The following TTC21A variants were observed in gnomAD, a reference collection of about 807,000 sequenced individuals.
TTC21A encodes tetratricopeptide repeat protein 21A.
Under a neutral mutation model 156.4 loss-of-function variants are expected in TTC21A, and 128 were observed. The ratio of observed to expected loss-of-function variants is 0.82; its 90% CI spans 0.71 to 0.95. The LOEUF is 0.95. Ranked by LOEUF, TTC21A falls within the 40% of genes least tolerant of loss-of-function variation. The probability of loss-of-function intolerance (pLI) is 0.00; values close to 1 mark genes in which losing one functional copy is unlikely to be tolerated. For synonymous variants in TTC21A, 587 were observed against 617.1 expected (o/e 0.95, Z 0.72); for missense variants, 1,435 against 1,602.3 (o/e 0.90, Z 1.78).
intron 4 of TTC21A, among the ~76,000 whole-genome samples, chr3:39,112,025 C>A (rs933763435): frequency 3.9e-5 from 6 of 152,194 alleles, no homozygotes; most frequent in African/African-American, 1.4e-4. Context: ...CAGGGCCAGG[C>A]CTCGTGCTGG....
chr3:39,109,863 G>A (rs1013157584), intron 2 of TTC21A, among the ~76,000 whole-genome samples, 166 bp from the exon 3 acceptor site: 10 of 152,190 alleles, frequency 6.6e-5, no homozygotes, highest in African/African-American at 2.4e-4. Context: ...CATGTTACCA[G>A]CAACTCTTTC....
chr3:39,125,531 A>T lies in TTC21A; in HGVS notation c.1391A>T (p.Gln464Leu), dbSNP rs1217425755. Residue 464 changes from glutamine to leucine, a missense_variant and splice_region_variant, in exon 11 of 29, where the codon CAG becomes CTG. Gln to Leu is a moderately radical substitution (Grantham distance 113, BLOSUM62 -2). Coordinates refer to ENST00000683103, the MANE Select transcript of TTC21A (RefSeq NM_001366900.1). ...AKEYLLFCPK[Q>L]PRLPGQIVSP... is the part of the protein sequence containing the mutation. ...GAGTACTTGCTCTTCTGCCCCAAGC[A>T]GGTTAGGGGAAGGCCTGTCTTCATG... The T allele has an allele frequency of 6.2e-7, 1 of 1,609,354 alleles. No homozygotes were observed. The highest frequency in any genetic ancestry group is 1.3e-5 in the African/African-American group (1 of 74,930).
intron 19 of TTC21A, 143 bp from the exon 20 acceptor site, chr3:39,132,909 C>T: frequency 1.2e-6 from 1 of 822,712 alleles, no homozygotes; most frequent in East Asian, 2.7e-5. Flanking sequence ...GTGGCTTTGC[C>T]TATTCAGAGT....
chr3:39,112,079 A>G (rs148620417), intron 4 of TTC21A, among the ~76,000 whole-genome samples: 1 of 152,152 alleles, frequency 6.6e-6, no homozygotes, highest in Non-Finnish European at 1.5e-5. Flanking sequence ...GTAGGCCCCC[A>G]TGTTGGCTCC....
intron 12 of TTC21A, 37 bp downstream of exon 12, chr3:39,126,427 C>G: frequency 6.2e-7 from 1 of 1,607,804 alleles, no homozygotes; most frequent in Non-Finnish European, 8.5e-7. Flanking sequence ...TGGGGCCTTG[C>G]AAACACCTGA....
At position 39,110,901 on chromosome 3, in the gene TTC21A, ACAGT is replaced by A. The variant is rs761788338; in HGVS notation, c.324_327del (p.Ser109GlyfsTer14). 1.2e-6 allele frequency: 2 copies of A among 1,614,074 alleles called. No homozygotes were observed. The highest frequency in any genetic ancestry group is 1.7e-6 in the Non-Finnish European group (2 of 1,180,016). On this transcript the variant is annotated frameshift_variant, in exon 4 of 29. Coordinates refer to ENST00000683103, the MANE Select transcript of TTC21A (RefSeq NM_001366900.1). LOFTEE classifies it high-confidence loss of function. ...GTACAGCCTGAAGGAAATACGCAAG[ACAGT>A]CAGTGGGACTGCACTGTACTATGCT... is the stretch of plus-strand genomic sequence containing the variant.
At chr3:39,124,978 C>T (rs2125817000) in intron 9 of TTC21A, 85 bp from the exon 10 acceptor site, 2 of 867,292 alleles carry the variant, frequency 2.3e-6, no homozygotes, top group East Asian at 4.8e-5. Flanking sequence ...CTTCCTTCCA[C>T]TGTCTTATCC....
In TTC21A at chr3:39,109,080, T is replaced by C. The variant is rs1306449068; in HGVS notation, c.28-5T>C. ...GCTATTGCAGTTATGTCTTCCTTCATACAGGCTGGGATCATTTACTATAGC... is the reference window on the plus strand; with the variant it reads ...GCTATTGCAGTTATGTCTTCCTTCACACAGGCTGGGATCATTTACTATAGC... On this transcript the variant is annotated splice_polypyrimidine_tract_variant and splice_region_variant and intron_variant, in intron 1 of 28. Coordinates refer to ENST00000683103, the MANE Select transcript of TTC21A (RefSeq NM_001366900.1). 5 of 1,613,324 alleles carry C rather than the reference T, an allele frequency of 3.1e-6. No individual in the cohort carries two copies. The highest frequency in any genetic ancestry group is 4.2e-6 in the Non-Finnish European group (5 of 1,179,326).
chr3:39,123,130 T>A (rs2037909529), intron 9 of TTC21A, among the ~76,000 whole-genome samples: 1 of 152,050 alleles, frequency 6.6e-6, no homozygotes, highest in Non-Finnish European at 1.5e-5. Flanking sequence ...ATTATGTCAA[T>A]AAGTAAAGAA....
At position 39,138,256 on chromosome 3, in the gene TTC21A, T is replaced by C. The variant is rs1188956723; in HGVS notation, c.3676-11T>C. ...CCGCTCTGCAGAGGCTCTAACTGGC[T>C]TTCCCTGCAGTCCTGCTACAAGGCC... On this transcript the variant is annotated splice_polypyrimidine_tract_variant and intron_variant, in intron 26 of 28. Transcript: ENST00000683103. 6.2e-7 allele frequency: 1 copy of C among 1,613,920 alleles called. No homozygotes were observed. The highest frequency in any genetic ancestry group is 1.1e-5 in the South Asian group (1 of 91,082).
chr3:39,120,883 C>A, intron 8 of TTC21A, 114 bp from the exon 9 acceptor site: 6 of 909,004 alleles, frequency 6.6e-6, no homozygotes, highest in East Asian at 2.7e-5. Flanking sequence ...TACCTCTTGG[C>A]TCTCCTGGGC....
chr3:39,109,051 C>G, intron 1 of TTC21A, 34 bp from the exon 2 acceptor site: 1 of 1,606,450 alleles, frequency 6.2e-7, no homozygotes, highest in South Asian at 1.1e-5. Flanking sequence ...AGAGAAGGGA[C>G]TGGGCTATTG....
intron 6 of TTC21A, among the ~76,000 whole-genome samples, chr3:39,115,758 T>TC (rs1291239423): frequency 2.0e-5 from 3 of 152,208 alleles, no homozygotes; most frequent in South Asian, 2.1e-4. Flanking sequence ...TTCACTTTTT[T>TC]CCCATAAGGA....
At chr3:39,108,656 T>G (rs981417175) in intron 1 of TTC21A, among the ~76,000 whole-genome samples, 4 of 152,180 alleles carry the variant, frequency 2.6e-5, no homozygotes, top group African/African-American at 9.7e-5. Flanking sequence ...CAAGCTGTAG[T>G]TTCCATGGGC....
At chr3:39,125,007 G>C in intron 9 of TTC21A, 56 bp from the exon 10 acceptor site, 1 of 1,129,168 alleles carries the variant, frequency 8.9e-7, no homozygotes, top group Non-Finnish European at 1.4e-6. Context: ...TGACCTGATG[G>C]GCTGCTGGCT....
rs766162671 is a variant in TTC21A, at chr3:39,121,048, A to G, written c.952A>G (p.Thr318Ala). ...GCTAGTGTGTAGTTTCATCGAGCGC[A>G]CCTTCATGGCCACCCCCTCGTATGT... ...LGLVCSFIERTFMATPSYVHV... is the reference protein window; with the variant it reads ...LGLVCSFIERAFMATPSYVHV... The change falls in exon 9 of 29, where the codon ACC becomes GCC. Residue 318 changes from threonine to alanine, a missense_variant. By Grantham distance (58) the Thr-to-Ala change is moderately conservative (BLOSUM62 0). Coordinates refer to ENST00000683103, the MANE Select transcript of TTC21A (RefSeq NM_001366900.1). 9 of 1,613,788 alleles carry G rather than the reference A, an allele frequency of 5.6e-6. No homozygotes were observed. In the East Asian group the frequency reaches 2.0e-4, roughly 36 times the overall value.
chr3:39,126,487 C>A, intron 12 of TTC21A, 97 bp downstream of exon 12: 1 of 827,878 alleles, frequency 1.2e-6, no homozygotes, highest in Non-Finnish European at 1.8e-6. Flanking sequence ...CACACACACA[C>A]ACACACACAC....
intron 12 of TTC21A, 130 bp downstream of exon 12, chr3:39,126,520 A>T (rs867909841): frequency 1.6e-4 from 129 of 821,690 alleles, no homozygotes; most frequent in African/African-American, 6.3e-4. Context: ...ACACACACAC[A>T]CTCTCCTTGC....
Position 39,130,242 on chromosome 3 carries a change from C to T in TTC21A, c.2209-6C>T, listed in dbSNP as rs2038619068. 5.0e-6 allele frequency: 8 copies of T among 1,612,678 alleles called. No homozygotes were observed. Among genetic ancestry groups the T allele is most frequent in the Non-Finnish European group, 6.8e-6 (8 of 1,179,248 alleles). On this transcript the variant is annotated splice_polypyrimidine_tract_variant and splice_region_variant and intron_variant, in intron 16 of 28. Coordinates refer to ENST00000683103, the MANE Select transcript of TTC21A (RefSeq NM_001366900.1). This position sits in a 1 kb window ranked among gnomAD's most constrained non-coding sequence, Gnocchi z 4.5. ...GAGGAAGACCCAAAGACACTTTCCCCACCAGCCCGAGAAGGCCCTGGAGGT... is the reference window on the plus strand; with the variant it reads ...GAGGAAGACCCAAAGACACTTTCCCTACCAGCCCGAGAAGGCCCTGGAGGT...
Sources: allele counts gnomAD v4.1 joint callset (sites outside exome capture counted in the v4.1 genomes callset), GRCh38; gene constraint gnomAD v4.1.1; non-coding constraint Gnocchi (gnomAD v3.1); transcripts MANE v1.5; gene names NCBI Gene and HGNC (gene_info 2026-07-23, HGNC 2026-07-21).